MCPH1: variants seen among roughly 807,000 people sequenced by gnomAD.
MCPH1 encodes microcephalin 1, also known as microcephalin.
A neutral mutation model predicts 84.5 loss-of-function variants in MCPH1; 104 were observed. That is an observed-to-expected ratio of 1.23 (90% CI 1.05 to 1.45). The LOEUF (loss-of-function observed/expected upper bound fraction) is 1.45, where lower values mean the gene tolerates loss of function less well. Ranked by LOEUF, MCPH1 falls within the 40% of genes most tolerant of loss-of-function variation. MCPH1 has a pLI of 0.00. For missense variants in MCPH1, 1,498 were observed against 1,005.7 expected (o/e 1.49, Z -6.62); for synonymous variants, 514 against 366.8 (o/e 1.40, Z -4.58).
At chr8:6,534,948 C>G (rs1820223016) in intron 12 of MCPH1, among the ~76,000 whole-genome samples, 1 of 152,206 alleles carries the variant, frequency 6.6e-6, no homozygotes, top group South Asian at 2.1e-4. Context: ...GCAGTTAAAG[C>G]TGTGTGTCAC....
intron 12 of MCPH1, among the ~76,000 whole-genome samples, chr8:6,505,263 T>TATATATGTATACATATATATGTTATATAC (rs1563305323): frequency 1.3e-5 from 1 of 78,028 alleles, no homozygotes; most frequent in Admixed American, 1.4e-4. Flanking sequence ...ATATATGTTT[T>TATATATGTATACATATATATGTTATATAC]ATATATATGT....
intron 12 of MCPH1, among the ~76,000 whole-genome samples, chr8:6,613,143 T>C (rs1241434064): frequency 1.3e-5 from 2 of 151,954 alleles, no homozygotes; most frequent in African/African-American, 4.8e-5. Flanking sequence ...AGGTGCCGGG[T>C]GCCGGGAAGC....
At chr8:6,569,409 C>T (rs182889874) in intron 12 of MCPH1, among the ~76,000 whole-genome samples, 99 of 152,316 alleles carry the variant, frequency 6.5e-4, no homozygotes, top group African/African-American at 2.1e-3. Flanking sequence ...TCAACCATTT[C>T]CATTCCCCAG....
chr8:6,564,942 C>A (rs1012355614), intron 12 of MCPH1, among the ~76,000 whole-genome samples: 1 of 152,222 alleles, frequency 6.6e-6, no homozygotes, highest in Non-Finnish European at 1.5e-5. Context: ...CACAGAAAAG[C>A]TGGAAGACAT....
chr8:6,520,908 C>T (rs1037800958), intron 12 of MCPH1, among the ~76,000 whole-genome samples: 1 of 152,148 alleles, frequency 6.6e-6, no homozygotes, highest in East Asian at 1.9e-4. Flanking sequence ...GTAATTTGCC[C>T]AGTCTCATCC....
intron 6 of MCPH1, among the ~76,000 whole-genome samples, chr8:6,441,118 G>A (rs1803448738): frequency 6.6e-6 from 1 of 152,172 alleles, no homozygotes; most frequent in Admixed American, 6.5e-5. Flanking sequence ...AAGCAAGACT[G>A]AAATGTAGTC....
chr8:6,465,839 T>A (rs1174111138), intron 9 of MCPH1, among the ~76,000 whole-genome samples: 8 of 152,222 alleles, frequency 5.3e-5, no homozygotes, highest in Non-Finnish European at 2.9e-5. Context: ...GGCTAGAATT[T>A]ACTTTAAATG....
chr8:6,537,340 T>G (rs1820685482), intron 12 of MCPH1, among the ~76,000 whole-genome samples: 2 of 152,064 alleles, frequency 1.3e-5, no homozygotes, highest in African/African-American at 4.8e-5. Context: ...GTCGGCAAAG[T>G]GTGGGGCCTT....
At chr8:6,461,662 T>C (rs1168768576) in intron 9 of MCPH1, among the ~76,000 whole-genome samples, 1 of 152,126 alleles carries the variant, frequency 6.6e-6, no homozygotes, top group Non-Finnish European at 1.5e-5. Context: ...ATTTGGAGGA[T>C]CCAGTTAAGC....
At position 6,427,215 on chromosome 8, in the gene MCPH1, C is replaced by T. The variant is rs117880703; in HGVS notation, c.234-4284C>T. ...TAGGGCGTTTACTATGAATTGAGCT[C>T]GCTAGACTGGAAGTTGCTGTGGTTG... On this transcript the variant is annotated intron_variant, in intron 3 of 13. Transcript: ENST00000344683. 1.2e-3 allele frequency among the ~76,000 whole-genome samples: 181 copies of T among 152,266 alleles called. 3 individuals are homozygous for T. The East Asian group carries it at 0.029, about 25-fold the overall frequency.
chr8:6,619,559 G>A (rs962699071), intron 12 of MCPH1, among the ~76,000 whole-genome samples: 1 of 152,108 alleles, frequency 6.6e-6, no homozygotes, highest in African/African-American at 2.4e-5. Flanking sequence ...CCCAAGTGCT[G>A]GGATTACAGG....
At chr8:6,518,447 T>C (rs939348788) in intron 12 of MCPH1, among the ~76,000 whole-genome samples, 2 of 152,342 alleles carry the variant, frequency 1.3e-5, no homozygotes, top group African/African-American at 4.8e-5. Context: ...TTAGGGACAT[T>C]AACTAATTTT....
chr8:6,622,860 A>AAAC (rs935762462), intron 13 of MCPH1, among the ~76,000 whole-genome samples: 3 of 152,080 alleles, frequency 2.0e-5, no homozygotes, highest in South Asian at 2.1e-4. Flanking sequence ...TATTTTTTTG[A>AAAC]AACAGTGTCT....
intron 12 of MCPH1, among the ~76,000 whole-genome samples, chr8:6,597,229 T>A (rs149788359): frequency 5.3e-4 from 80 of 152,254 alleles, no homozygotes; most frequent in African/African-American, 1.9e-3. Context: ...GTCTGGCTGC[T>A]CACAAGGCAC....
chr8:6,415,974 A>G (rs77482902), intron 3 of MCPH1, among the ~76,000 whole-genome samples: 1 of 152,166 alleles, frequency 6.6e-6, no homozygotes. Flanking sequence ...AATTTCCTTC[A>G]GTGACACTTT....
intron 3 of MCPH1, 146 bp downstream of exon 3, chr8:6,415,029 C>T (rs1799070237): frequency 3.9e-6 from 3 of 778,156 alleles, no homozygotes; most frequent in Middle Eastern, 3.9e-4. Context: ...TGAAATCCTC[C>T]AGCCTCAATT....
chr8:6,560,386 T>C (rs932311843), intron 12 of MCPH1, among the ~76,000 whole-genome samples: 18 of 152,192 alleles, frequency 1.2e-4, no homozygotes, highest in African/African-American at 4.3e-4. Context: ...TTCTTCCTCA[T>C]GAGAAAATCA....
At chr8:6,476,310 T>G (rs1274557410) in intron 9 of MCPH1, among the ~76,000 whole-genome samples, 1 of 151,596 alleles carries the variant, frequency 6.6e-6, no homozygotes. Flanking sequence ...GCGCCTGTGA[T>G]CCCAGCTAGT....
At chr8:6,508,745 C>G in intron 12 of MCPH1, 1 of 795,286 alleles carries the variant, frequency 1.3e-6, no homozygotes, top group Admixed American at 2.5e-5. Flanking sequence ...AGCTCCATAT[C>G]ATATTCTCAC....
Sources: allele counts gnomAD v4.1 joint callset (sites outside exome capture counted in the v4.1 genomes callset), GRCh38; gene constraint gnomAD v4.1.1; transcripts MANE v1.5; gene names NCBI Gene and HGNC (gene_info 2026-07-23, HGNC 2026-07-21).